The following GRIP1 variants were observed in gnomAD, a reference collection of about 807,000 sequenced individuals.
GRIP1 encodes glutamate receptor interacting protein 1, also known as glutamate receptor-interacting protein 1.
In GRIP1, 45 loss-of-function variants were observed where a neutral mutation model predicts 129.9. The ratio of observed to expected loss-of-function variants is 0.35; its 90% CI spans 0.27 to 0.44. The LOEUF (loss-of-function observed/expected upper bound fraction) is 0.44, where lower values mean the gene tolerates loss of function less well. GRIP1 is among the 20% of genes least tolerant of loss of function. The pLI is 1.00. For synonymous variants in GRIP1, 530 were observed against 520.8 expected (o/e 1.02, Z -0.24); for missense variants, 1,196 against 1,396.8 (o/e 0.86, Z 2.29).
intron 1 of GRIP1, among the ~76,000 whole-genome samples, chr12:66,620,721 T>C (rs7974153): frequency 0.52 from 78,222 of 151,412 alleles, 20,817 homozygotes; most frequent in Non-Finnish European, 0.59. Flanking sequence ...TTCCTTCCTT[T>C]TCTCCCTCTC....
At chr12:66,526,127 C>A (rs770593985) in intron 5 of GRIP1, among the ~76,000 whole-genome samples, 1 of 151,766 alleles carries the variant, frequency 6.6e-6, no homozygotes, top group Non-Finnish European at 1.5e-5. Context: ...AGATTCAATG[C>A]CATCCCCAAC....
At chr12:66,809,190 G>A (rs983068370) in intron 1 of GRIP1, among the ~76,000 whole-genome samples, 30 of 152,102 alleles carry the variant, frequency 2.0e-4, no homozygotes, top group African/African-American at 6.3e-4. Context: ...CATGATTTCC[G>A]TACTCTTCTG....
intron 19 of GRIP1, among the ~76,000 whole-genome samples, chr12:66,390,738 C>T (rs1467442203): frequency 1.3e-5 from 2 of 152,152 alleles, no homozygotes; most frequent in African/African-American, 2.4e-5. Flanking sequence ...ATAACCAATA[C>T]ACAATAAATT....
chr12:66,449,550 G>A (rs562252020), intron 11 of GRIP1, among the ~76,000 whole-genome samples: 7 of 152,246 alleles, frequency 4.6e-5, no homozygotes, highest in African/African-American at 1.2e-4. Flanking sequence ...CCAACCCTAC[G>A]CTTCTTACAG....
intron 1 of GRIP1, among the ~76,000 whole-genome samples, chr12:66,957,298 A>T (rs2041856816): frequency 6.6e-6 from 1 of 152,072 alleles, no homozygotes; most frequent in Admixed American, 6.6e-5. Flanking sequence ...CTCAGAAGGA[A>T]CCAACCCTGC....
chr12:66,793,063 T>C (rs1174827191), intron 1 of GRIP1, among the ~76,000 whole-genome samples: 1 of 152,188 alleles, frequency 6.6e-6, no homozygotes, highest in Non-Finnish European at 1.5e-5. Flanking sequence ...AACTAGTTCC[T>C]ATATAGTTTT....
rs571313414 is a variant in GRIP1 at position 67,020,845 on chromosome 12, A to G, written c.58+48205T>C. Among the ~76,000 whole-genome samples, 39 of 152,270 alleles carry G rather than the reference A, an allele frequency of 2.6e-4. No individual in the cohort carries two copies. The South Asian group carries it at 2.7e-3, about 11-fold the overall frequency. ...CCCAGTGCAGTAGCTCGCACCTATA[A>G]TCCCAGTACTTTGGGAAACCAAGGT... is the stretch of plus-strand genomic sequence containing the variant. On this transcript the variant is annotated intron_variant, in intron 1 of 1. Coordinates refer to the GRIP1 transcript ENST00000643019.
intron 1 of GRIP1, among the ~76,000 whole-genome samples, chr12:66,787,697 C>T (rs549164433): frequency 6.6e-6 from 1 of 152,200 alleles, no homozygotes. Context: ...TCACCCAACA[C>T]CGAATCTACC....
chr12:66,838,484 C>G (rs373090196), intron 1 of GRIP1, among the ~76,000 whole-genome samples: 1 of 152,170 alleles, frequency 6.6e-6, no homozygotes, highest in Non-Finnish European at 1.5e-5. Context: ...ACACAGGAGA[C>G]GCAAAACTCT....
At chr12:66,410,477 CAA>C (rs34277777) in intron 15 of GRIP1, among the ~76,000 whole-genome samples, 86,850 of 132,498 alleles carry the variant, frequency 0.66, 28,505 homozygotes, top group Non-Finnish European at 0.75. Flanking sequence ...ACTAAAAATA[CAA>C]AAAAAAAAAA....
intron 16 of GRIP1, among the ~76,000 whole-genome samples, chr12:66,405,575 G>C (rs777936673): frequency 3.9e-5 from 6 of 152,170 alleles, no homozygotes; most frequent in Non-Finnish European, 7.3e-5. Context: ...AAGCTCTTCA[G>C]ATATGATTCT....
chr12:66,742,880 T>A (rs2036831403), intron 1 of GRIP1, among the ~76,000 whole-genome samples: 1 of 152,052 alleles, frequency 6.6e-6, no homozygotes, highest in Non-Finnish European at 1.5e-5. Flanking sequence ...CTAGCAAAAG[T>A]AGGAGGAAAA....
chr12:66,380,877 G>T (rs566558152), intron 19 of GRIP1, among the ~76,000 whole-genome samples: 1 of 152,180 alleles, frequency 6.6e-6, no homozygotes, highest in East Asian at 1.9e-4. Flanking sequence ...CTTGGAATAT[G>T]GTATGTGTTT....
upstream of GRIP1, chr12:66,679,145 C>A: frequency 7.0e-7 from 1 of 1,425,704 alleles, no homozygotes; most frequent in South Asian, 1.4e-5. Context: ...TTCACAATCA[C>A]AATGGCTTAG....
rs140247785 is a variant in GRIP1 at position 66,779,138 on chromosome 12, G to A, written c.-420+24915C>T. Among the ~76,000 whole-genome samples the A allele has an allele frequency of 3.7e-4, 56 of 152,234 alleles. No individual in the cohort carries two copies. In the East Asian group the frequency reaches 8.3e-3, roughly 23 times the overall value. ...GTCTTTGTTAACATATAATTTCAAG[G>A]AGAAAAACTGAAATCAGATTTAAGT... On this transcript the variant is annotated intron_variant, in intron 1 of 4. Coordinates refer to the GRIP1 transcript ENST00000538373.
At chr12:66,529,356 C>T (rs1267351169) in intron 5 of GRIP1, among the ~76,000 whole-genome samples, 16 of 152,278 alleles carry the variant, frequency 1.1e-4, no homozygotes, top group Non-Finnish European at 1.6e-4. Context: ...TACAGCAGCA[C>T]GATTTGCAAT....
At chr12:66,970,043 C>T (rs1030948038) in intron 1 of GRIP1, among the ~76,000 whole-genome samples, 7 of 152,256 alleles carry the variant, frequency 4.6e-5, no homozygotes, top group South Asian at 2.1e-4. Flanking sequence ...CTGGTTCTGA[C>T]GCTTGCTTTG....
At chr12:66,900,931 C>T (rs2040834477) in intron 1 of GRIP1, among the ~76,000 whole-genome samples, 1 of 152,178 alleles carries the variant, frequency 6.6e-6, no homozygotes, top group African/African-American at 2.4e-5. Context: ...TCGGTCTTGG[C>T]TCTTAAATCC....
At chr12:66,585,932 A>G (rs11176285) in intron 2 of GRIP1, among the ~76,000 whole-genome samples, 37,380 of 152,020 alleles carry the variant, frequency 0.25, 4,729 homozygotes, top group Admixed American at 0.28. Flanking sequence ...CTGCCTCTTC[A>G]AAGACTGCTT....
Sources: allele counts gnomAD v4.1 joint callset (sites outside exome capture counted in the v4.1 genomes callset), GRCh38; gene constraint gnomAD v4.1.1; transcripts MANE v1.5; gene names NCBI Gene and HGNC (gene_info 2026-07-23, HGNC 2026-07-21).